The following DOCK9 variants were observed in gnomAD, a reference collection of about 807,000 sequenced individuals.
The protein encoded by DOCK9 is dedicator of cytokinesis 9, also known as dedicator of cytokinesis protein 9.
DOCK9 carries 89 observed loss-of-function variants against 263.3 expected under a neutral mutation model. The observed-to-expected ratio is 0.34, with a 90% confidence interval of 0.28 to 0.40. The LOEUF (loss-of-function observed/expected upper bound fraction) is 0.40, where lower values mean the gene tolerates loss of function less well. Among genes scored for constraint, DOCK9 ranks in the 10% least tolerant of loss-of-function variants. The pLI, the probability that DOCK9 is intolerant of heterozygous loss-of-function variation, is 1.00. For missense variants in DOCK9, 2,140 were observed against 2,603.4 expected, an observed-to-expected ratio of 0.82 and a Z score of 3.87; for synonymous variants, 976 against 973.1, an observed-to-expected ratio of 1.00 and a Z score of -0.06.
At chr13:99,017,311 A>G (rs1885540942) in intron 1 of DOCK9, among the ~76,000 whole-genome samples, 1 of 152,246 alleles carries the variant, frequency 6.6e-6, no homozygotes, top group South Asian at 2.1e-4. Flanking sequence ...ATAAAACACT[A>G]AACACATAAG....
chr13:98,976,101 G>C (rs937944765), intron 1 of DOCK9, among the ~76,000 whole-genome samples: 1 of 152,244 alleles, frequency 6.6e-6, no homozygotes, highest in Admixed American at 6.5e-5. Flanking sequence ...TGGAAGAAGA[G>C]AAACACTGCC....
chr13:98,939,438 C>G (rs1243106800), intron 2 of DOCK9, among the ~76,000 whole-genome samples: 1 of 152,152 alleles, frequency 6.6e-6, no homozygotes, highest in Admixed American at 6.5e-5. Context: ...TTTGTAATCT[C>G]ATGTAAAGCA....
Position 98,883,142 on chromosome 13 carries a change from GA to G in DOCK9, c.2470-12del. 1 of 1,599,910 alleles carries G rather than the reference GA, an allele frequency of 6.3e-7. No individual in the cohort carries two copies. Among genetic ancestry groups the G allele is most frequent in the Non-Finnish European group, 8.5e-7 (1 of 1,170,874 alleles). On this transcript the variant is annotated splice_polypyrimidine_tract_variant and intron_variant, in intron 22 of 52. Coordinates refer to ENST00000682017, the MANE Select transcript of DOCK9 (RefSeq NM_001366683.2). ...ATGTAAATGCTGATCCTGAGGTAGG[GA>G]AAAAGGAAAAGAAGAAGAAAGTCTA...
chr13:98,955,678 C>A, intron 1 of DOCK9, 127 bp from the exon 2 acceptor site: 3 of 636,010 alleles, frequency 4.7e-6, no homozygotes, highest in Non-Finnish European at 8.0e-6. Context: ...TTTGGTATCA[C>A]AAAGAAACAG....
upstream of DOCK9, among the ~76,000 whole-genome samples, chr13:98,979,168 G>C (rs906983241): frequency 2.8e-4 from 42 of 147,850 alleles, no homozygotes; most frequent in African/African-American, 9.9e-4. Context: ...AGTAACAGCA[G>C]TAGCAGCAGC....
chr13:98,842,369 T>A (rs1247201415), intron 38 of DOCK9, among the ~76,000 whole-genome samples: 1 of 152,222 alleles, frequency 6.6e-6, no homozygotes, highest in Non-Finnish European at 1.5e-5. Flanking sequence ...GATTCTGATC[T>A]GAAATATTAT....
intron 27 of DOCK9, among the ~76,000 whole-genome samples, chr13:98,875,341 GT>G (rs946519178): frequency 6.6e-6 from 1 of 151,980 alleles, no homozygotes; most frequent in African/African-American, 2.4e-5. Flanking sequence ...TACAAATTTG[GT>G]TAAGGGGAAG....
rs75019800 is a variant in DOCK9, at chr13:99,072,488, C to T, written c.129+13735G>A. 4.1e-3 allele frequency among the ~76,000 whole-genome samples: 618 copies of T among 152,272 alleles called. 3 individuals carry two copies. The highest frequency in any genetic ancestry group is 0.014 in the African/African-American group (594 of 41,548). ...GTACTTCCTGACTTCGGGGACAAAG[C>T]ACTGATGAAACTGAGGGAAACTAAA... On this transcript the variant is annotated intron_variant, in intron 1 of 32. Transcript: ENST00000427887.
upstream of DOCK9, among the ~76,000 whole-genome samples, chr13:99,087,452 TC>T (rs2042373268): frequency 6.6e-6 from 1 of 151,884 alleles, no homozygotes; most frequent in Non-Finnish European, 1.5e-5. Flanking sequence ...CTGCCGCCCC[TC>T]CGCGCCGGAC....
chr13:98,965,085 C>A (rs2059062870), intron 1 of DOCK9, among the ~76,000 whole-genome samples: 1 of 152,126 alleles, frequency 6.6e-6, no homozygotes, highest in Admixed American at 6.5e-5. Context: ...CCAAAGCCAC[C>A]CCTGGACTAT....
At chr13:98,879,724 G>A (rs1478598711) in intron 27 of DOCK9, among the ~76,000 whole-genome samples, 174 bp downstream of exon 27, 1 of 152,150 alleles carries the variant, frequency 6.6e-6, no homozygotes, top group Non-Finnish European at 1.5e-5. Flanking sequence ...AAATAGGTAA[G>A]AACAGTACTT....
Position 99,017,444 on chromosome 13 carries a change from A to G in DOCK9, c.130-61893T>C, listed in dbSNP as rs577648667. Reference sequence around the variant, plus strand: ...AATAAAGAGAGTACCTGGAAATGTAAAATTAATTTGTTATTGTTATGACAT... The same window carrying G: ...AATAAAGAGAGTACCTGGAAATGTAGAATTAATTTGTTATTGTTATGACAT... On this transcript the variant is annotated intron_variant, in intron 1 of 32. Coordinates refer to the DOCK9 transcript ENST00000427887. Among the ~76,000 whole-genome samples, 6 of 152,346 alleles carry G rather than the reference A, an allele frequency of 3.9e-5. No homozygotes were observed. The South Asian group carries it at 8.3e-4, about 21-fold the overall frequency.
chr13:98,810,023 C>T lies in DOCK9; in HGVS notation c.5253+146G>A. 6 of 1,173,450 alleles carry T rather than the reference C, an allele frequency of 5.1e-6. 1 individual carries two copies. The South Asian group carries it at 8.6e-5, about 17-fold the overall frequency. 72.7% of individuals were successfully genotyped at this position (1,173,450 alleles called of 1,614,324 possible). A position where few individuals can be genotyped will look rare whatever the true frequency, so the allele number is the denominator to read the frequency against. ...ACTATTTGGAGATGATGACTGGCCACCACCTTCAGCGTAACGTGGAGGGTC... is the reference window on the plus strand; with the variant it reads ...ACTATTTGGAGATGATGACTGGCCATCACCTTCAGCGTAACGTGGAGGGTC... On this transcript the variant is annotated intron_variant, in intron 46 of 52. Coordinates refer to ENST00000682017, the MANE Select transcript of DOCK9 (RefSeq NM_001366683.2).
intron 35 of DOCK9, 39 bp from the exon 36 acceptor site, chr13:98,850,152 GAT>G (rs1181521280): frequency 1.5e-6 from 2 of 1,317,278 alleles, no homozygotes; most frequent in Non-Finnish European, 2.1e-6. Flanking sequence ...CAATACATAT[GAT>G]ATACATTATG....
chr13:98,906,434 T>C (rs2049108923), intron 9 of DOCK9, among the ~76,000 whole-genome samples: 1 of 152,196 alleles, frequency 6.6e-6, no homozygotes, highest in Non-Finnish European at 1.5e-5. Context: ...TCTTTATGAT[T>C]TTTCATGCCT....
At chr13:98,969,327 T>G (rs1347209700) in intron 1 of DOCK9, among the ~76,000 whole-genome samples, 1 of 152,204 alleles carries the variant, frequency 6.6e-6, no homozygotes, top group Non-Finnish European at 1.5e-5. Context: ...TGGCTAAACC[T>G]TTGCAGGTGG....
At chr13:99,074,546 A>C (rs769820186) in intron 1 of DOCK9, among the ~76,000 whole-genome samples, 2 of 152,230 alleles carry the variant, frequency 1.3e-5, no homozygotes, top group African/African-American at 2.4e-5. Flanking sequence ...CTCCGTGCCC[A>C]GCGGCAACTG....
At chr13:98,968,471 C>A (rs2059414509) in intron 1 of DOCK9, among the ~76,000 whole-genome samples, 1 of 151,912 alleles carries the variant, frequency 6.6e-6, no homozygotes, top group African/African-American at 2.4e-5. Flanking sequence ...AATACAAAAA[C>A]CAGCCAGATG....
chr13:98,911,588 A>G (rs1392368351), intron 9 of DOCK9, among the ~76,000 whole-genome samples: 1 of 152,154 alleles, frequency 6.6e-6, no homozygotes, highest in Admixed American at 6.5e-5. Flanking sequence ...AAATTATGTA[A>G]TTCACTTTAA....
Sources: gnomAD v4.1 joint callset for allele counts (sites outside exome capture counted in the v4.1 genomes callset) on GRCh38, gnomAD v4.1.1 for gene constraint, MANE v1.5 for transcripts, NCBI Gene and HGNC (gene_info 2026-07-23, HGNC 2026-07-21) for gene names.